Variants in DOCK7 observed in about 807,000 individuals in gnomAD.
The protein encoded by DOCK7 is dedicator of cytokinesis protein 7.
DOCK7 carries 138 observed loss-of-function variants against 271.0 expected under a neutral mutation model. That is an observed-to-expected ratio of 0.51 (90% CI 0.44 to 0.59). The LOEUF (loss-of-function observed/expected upper bound fraction) is 0.59. DOCK7 is among the 20% of genes least tolerant of loss of function. DOCK7 has a pLI of 0.00. For synonymous variants in DOCK7, 823 were observed against 876.1 expected (o/e 0.94, Z 1.07); for missense variants, 2,066 against 2,592.4 (o/e 0.80, Z 4.41).
chr1:62,510,920 C>A, intron 33 of DOCK7: 1 of 383,162 alleles, frequency 2.6e-6, no homozygotes, highest in Non-Finnish European at 4.7e-6. Context: ...AGCAAATGTT[C>A]TAACATTGGT....
chr1:62,673,258 TA>T (rs940859856), intron 1 of DOCK7, among the ~76,000 whole-genome samples: 5 of 152,082 alleles, frequency 3.3e-5, no homozygotes, highest in African/African-American at 7.2e-5. Flanking sequence ...GAAAAAGGAT[TA>T]AAAAAAAGAT....
intron 43 of DOCK7, chr1:62,483,174 A>ATTTTTTTTTTTT (rs57648164): frequency 3.0e-4 from 21 of 70,186 alleles, no homozygotes; most frequent in South Asian, 4.3e-4. Context: ...TGCCCAGCTA[A>ATTTTTTTTTTTT]TTTTTTTTTT....
chr1:62,557,070 T>C (rs1387510086), intron 20 of DOCK7, among the ~76,000 whole-genome samples: 4 of 150,804 alleles, frequency 2.7e-5, no homozygotes, highest in African/African-American at 9.7e-5. Context: ...CTTTTCTTTT[T>C]TTTTTTTTTT....
intron 43 of DOCK7, chr1:62,483,951 C>T (rs1185635873): frequency 6.6e-6 from 1 of 152,144 alleles, no homozygotes; most frequent in African/African-American, 2.4e-5. Context: ...TTTCACTATG[C>T]TCTATTCTTG....
At chr1:62,574,000 A>G (rs1242044413) in intron 18 of DOCK7, among the ~76,000 whole-genome samples, 1 of 152,136 alleles carries the variant, frequency 6.6e-6, no homozygotes, top group Non-Finnish European at 1.5e-5. Flanking sequence ...AAAGGGGAGG[A>G]GTCAGGAAGT....
In DOCK7 at chr1:62,639,753, C is replaced by T. The variant is rs111991328; in HGVS notation, c.819-3150G>A. Reference sequence around the variant, plus strand: ...CAATAACTTTATAATATTTTTAAACCGCATTTAAAGATCCATATTATTACT... The same window carrying T: ...CAATAACTTTATAATATTTTTAAACTGCATTTAAAGATCCATATTATTACT... On this transcript the variant is annotated intron_variant, in intron 7 of 49. Coordinates refer to ENST00000635253, the MANE Select transcript of DOCK7 (RefSeq NM_001367561.1). 9.5e-3 allele frequency among the ~76,000 whole-genome samples: 1,447 copies of T among 151,976 alleles called. 10 individuals carry two copies. The highest frequency in any genetic ancestry group is 0.016 in the Non-Finnish European group (1,064 of 67,944).
intron 14 of DOCK7, chr1:62,603,935 A>G (rs758692292): frequency 5.0e-6 from 8 of 1,605,094 alleles, no homozygotes; most frequent in South Asian, 4.4e-5. Flanking sequence ...CCTGTACTTA[A>G]TAACTCACAG....
chr1:62,666,050 G>T (rs1375431810), intron 1 of DOCK7, among the ~76,000 whole-genome samples: 1 of 152,166 alleles, frequency 6.6e-6, no homozygotes. Context: ...TGTAGTCCCA[G>T]CTACTCAGGA....
intron 14 of DOCK7, among the ~76,000 whole-genome samples, chr1:62,615,293 A>G (rs1571777512): frequency 6.6e-6 from 1 of 151,924 alleles, no homozygotes; most frequent in East Asian, 1.9e-4. Flanking sequence ...AATTTTCTCT[A>G]CTTCACTGAG....
At position 62,537,936 on chromosome 1, in the gene DOCK7, A is replaced by G. The variant is rs1645400031; in HGVS notation, c.3426T>C (p.Thr1142=). ...VTLNLPCSLL[T]PPASPSPSVS... ...CAGAAGGTGATGGAGATGCAGGTGG[A>G]GTAAGTAAGCTGCAGGGTAAGTTTA... The change falls in exon 28 of 50, where the codon ACT becomes ACC. Residue 1142 remains threonine (T), a synonymous_variant. Coordinates refer to ENST00000635253, the MANE Select transcript of DOCK7 (RefSeq NM_001367561.1). 1 of 1,613,874 alleles carries G rather than the reference A, an allele frequency of 6.2e-7. No individual in the cohort carries two copies. Among genetic ancestry groups the G allele is most frequent in the Admixed American group, 1.7e-5 (1 of 59,990 alleles).
intron 31 of DOCK7, among the ~76,000 whole-genome samples, chr1:62,518,013 C>T (rs1644722576): frequency 1.3e-5 from 2 of 152,148 alleles, no homozygotes; most frequent in African/African-American, 4.8e-5. Flanking sequence ...TTACAGACTA[C>T]AACTATACAT....
intron 14 of DOCK7, chr1:62,608,580 CATA>C (rs1439810755): frequency 3.9e-5 from 6 of 152,170 alleles, no homozygotes; most frequent in South Asian, 2.1e-4. Context: ...TATGGCAAAT[CATA>C]ATAATAAAAA....
chr1:62,500,149 G>C (rs947626292), intron 37 of DOCK7, among the ~76,000 whole-genome samples: 1 of 151,994 alleles, frequency 6.6e-6, no homozygotes, highest in Admixed American at 6.6e-5. Flanking sequence ...AAACTCACCA[G>C]ATAAAGAATA....
At chr1:62,681,470 C>T (rs1220480453) in intron 1 of DOCK7, among the ~76,000 whole-genome samples, 2 of 149,184 alleles carry the variant, frequency 1.3e-5, no homozygotes, top group Non-Finnish European at 3.0e-5. Flanking sequence ...ACCAACATGG[C>T]GCATGTATAC....
intron 31 of DOCK7, among the ~76,000 whole-genome samples, chr1:62,524,099 A>C (rs969674799): frequency 6.6e-6 from 1 of 152,210 alleles, no homozygotes; most frequent in African/African-American, 2.4e-5. Flanking sequence ...AGAGAATCCA[A>C]ATGGTCAATC....
At chr1:62,542,088 G>A (rs1049292206) in intron 25 of DOCK7, among the ~76,000 whole-genome samples, 8 of 152,000 alleles carry the variant, frequency 5.3e-5, no homozygotes, top group African/African-American at 1.9e-4. Flanking sequence ...ATGTTGCCCA[G>A]GCTGGTCTCA....
At chr1:62,495,793 T>C in intron 38 of DOCK7, 112 bp from the exon 39 acceptor site, 3 of 829,646 alleles carry the variant, frequency 3.6e-6, no homozygotes, top group Non-Finnish European at 5.5e-6. Flanking sequence ...AAACAAGTTG[T>C]AGGATACTGA....
At chr1:62,688,156 G>A in intron 1 of DOCK7, 71 bp downstream of exon 1, 4 of 1,266,310 alleles carry the variant, frequency 3.2e-6, no homozygotes, top group Non-Finnish European at 4.0e-6. Context: ...CGCCTCCTAG[G>A]CCAGGCCTGG....
chr1:62,488,701 GAA>G (rs57650980), intron 42 of DOCK7: 4 of 454,592 alleles, frequency 8.8e-6, no homozygotes, highest in Non-Finnish European at 1.6e-5. Context: ...ATTCAAAAAT[GAA>G]AAAAAAAAGC....
Sources: gnomAD v4.1 joint callset for allele counts (sites outside exome capture counted in the v4.1 genomes callset) on GRCh38, gnomAD v4.1.1 for gene constraint, MANE v1.5 for transcripts, NCBI Gene and HGNC (gene_info 2026-07-23, HGNC 2026-07-21) for gene names.